The following TRPM4 variants were observed in gnomAD, a reference collection of about 807,000 sequenced individuals.
The protein encoded by TRPM4 is transient receptor potential cation channel subfamily M member 4, also known as calcium-activated non-selective cation channel 1.
A neutral mutation model predicts 135.6 loss-of-function variants in TRPM4; 124 were observed. The ratio of observed to expected loss-of-function variants is 0.91; its 90% CI spans 0.79 to 1.06. The LOEUF is 1.06. Among genes scored for constraint, TRPM4 ranks in the 50% least tolerant of loss-of-function variants. TRPM4 has a pLI of 0.00. For synonymous variants in TRPM4, 745 were observed against 705.6 expected (o/e 1.06, Z -0.88); for missense variants, 1,658 against 1,671.4 (o/e 0.99, Z 0.14).
chr19:49,210,683 G>T lies in TRPM4; in HGVS notation c.3329-27G>T. The stretch of plus-strand genomic sequence containing the variant: ...GGGATTGGGAAGGGGCGTGGCCTGA[G>T]CCCTTTGACTCCGCCCGCCCCTGCA... On this transcript the variant is annotated intron_variant, in intron 21 of 24. Transcript: ENST00000252826. This position sits in a 1 kb window ranked among gnomAD's most constrained non-coding sequence, Gnocchi z 4.1. 6.2e-7 allele frequency: 1 copy of T among 1,613,818 alleles called. No individual in the cohort carries two copies. The highest frequency in any genetic ancestry group is 8.5e-7 in the Non-Finnish European group (1 of 1,179,998).
chr19:49,162,801 G>A (rs905989625), intron 2 of TRPM4, among the ~76,000 whole-genome samples: 30 of 151,762 alleles, frequency 2.0e-4, no homozygotes, highest in African/African-American at 6.1e-4. Context: ...TCGCTCTGTC[G>A]CCCAGGCTGG....
chr19:49,194,675 T>C (rs12976024), intron 16 of TRPM4, among the ~76,000 whole-genome samples: 1,480 of 42,122 alleles, frequency 0.035, 42 homozygotes, highest in African/African-American at 0.14. Context: ...CTCCCTCCCT[T>C]CCTTCCTTCT....
At chr19:49,195,683 A>ATTT (rs1293818542) in intron 16 of TRPM4, among the ~76,000 whole-genome samples, 9,048 of 127,026 alleles carry the variant, frequency 0.071, 397 homozygotes, top group East Asian at 0.17. Flanking sequence ...TTCTACTTTA[A>ATTT]TTTTTTTTTT....
intron 12 of TRPM4, among the ~76,000 whole-genome samples, chr19:49,187,976 A>G (rs1398181819): frequency 1.3e-5 from 2 of 152,146 alleles, no homozygotes; most frequent in African/African-American, 4.8e-5. Flanking sequence ...TCAAGCACTC[A>G]TCTTAGGTGT....
At position 49,173,858 on chromosome 19, in the gene TRPM4, C is replaced by T. The variant is rs144331838; in HGVS notation, c.1150+1750C>T. Reference sequence around the variant, plus strand: ...AAAAAAAATTTTTTTTTTGTACAGACGAGGTCTTGCTCTGTTGCCCATGCT... The same window carrying T: ...AAAAAAAATTTTTTTTTTGTACAGATGAGGTCTTGCTCTGTTGCCCATGCT... On this transcript the variant is annotated intron_variant, in intron 9 of 24. Coordinates refer to ENST00000252826, the MANE Select transcript of TRPM4 (RefSeq NM_017636.4). 1.1e-4 allele frequency among the ~76,000 whole-genome samples: 16 copies of T among 152,064 alleles called. No individual in the cohort carries two copies. In the East Asian group the frequency reaches 1.4e-3, roughly 13 times the overall value.
chr19:49,174,757 A>C (rs1454054693), intron 9 of TRPM4, among the ~76,000 whole-genome samples: 4 of 151,542 alleles, frequency 2.6e-5, no homozygotes, highest in African/African-American at 9.7e-5. Flanking sequence ...AAAAAAAAAA[A>C]AAAACCTAAA....
intron 3 of TRPM4, among the ~76,000 whole-genome samples, chr19:49,166,820 G>C (rs894297300): frequency 7.7e-6 from 1 of 129,864 alleles, no homozygotes; most frequent in East Asian, 2.5e-4. Context: ...CTGTGTCTCT[G>C]TCCCCGTCTC....
intron 20 of TRPM4, among the ~76,000 whole-genome samples, chr19:49,207,489 G>A (rs2145988599): frequency 6.6e-6 from 1 of 151,860 alleles, no homozygotes; most frequent in Non-Finnish European, 1.5e-5. Flanking sequence ...AATTTGCCAG[G>A]CGTGGTGGTG....
chr19:49,182,210 A>T lies in TRPM4; in HGVS notation c.1264-368A>T, dbSNP rs111169069. Among the ~76,000 whole-genome samples the T allele has an allele frequency of 4.6e-3, 679 of 146,776 alleles. 17 individuals are homozygous for T. The highest frequency in any genetic ancestry group is 0.017 in the African/African-American group (650 of 37,978). On this transcript the variant is annotated intron_variant, in intron 10 of 24. Transcript: ENST00000252826. ...CATCCATACATCCATCCATCTACCT[A>T]TCCATTCATCCATCCATCCATCCAT... is the stretch of plus-strand genomic sequence containing the variant.
chr19:49,209,064 T>G (rs565747660), intron 20 of TRPM4, among the ~76,000 whole-genome samples: 30 of 152,284 alleles, frequency 2.0e-4, no homozygotes, highest in Non-Finnish European at 3.4e-4. Context: ...TCTATTAATT[T>G]GGTGTTTGCA....
In TRPM4 at chr19:49,166,064, G is replaced by A. The variant is rs1202949892; in HGVS notation, c.116G>A (p.Arg39His). The change falls in exon 3 of 25, where the codon CGC becomes CAC. Residue 39 changes from arginine to histidine, a missense_variant. By Grantham distance (29) the Arg-to-His change is conservative (BLOSUM62 0). This residue lies in a region of TRPM4 where 239 missense variants were observed against 240.1 expected (regional missense o/e 1.00). Coordinates refer to ENST00000252826, the MANE Select transcript of TRPM4 (RefSeq NM_017636.4). ...AGAGGGACCTTGTGCCAGTGTGGGC[G>A]CCCCCGGACCGCCCACCCCGCAGTG... ...DPGGTLCQCG[R>H]PRTAHPAVAM... 3.8e-6 allele frequency: 6 copies of A among 1,599,008 alleles called. No homozygotes were observed. In the Admixed American group the frequency reaches 5.2e-5, roughly 14 times the overall value.
chr19:49,171,193 T>C lies in TRPM4; in HGVS notation c.797-164T>C, dbSNP rs904897087. Among the ~76,000 whole-genome samples the C allele has an allele frequency of 6.6e-6, 1 of 152,160 alleles. No individual in the cohort carries two copies. The highest frequency in any genetic ancestry group is 2.4e-5 in the African/African-American group (1 of 41,438). ...CATAGCAAGACCCCCATTTCTAAAA[T>C]AAATACATAATTAAGTAAAAAAAGA... On this transcript the variant is annotated intron_variant, in intron 6 of 24. Transcript: ENST00000252826. The surrounding 1 kb of genome is among the most constrained non-coding windows in gnomAD (Gnocchi z 4.7).
chr19:49,193,327 C>T (rs1004630205), intron 16 of TRPM4, among the ~76,000 whole-genome samples: 7 of 152,150 alleles, frequency 4.6e-5, no homozygotes, highest in African/African-American at 7.2e-5. Flanking sequence ...GTGATCTGCC[C>T]GCCTCGGCCT....
At chr19:49,158,469 G>T (rs1382714705) in intron 2 of TRPM4, 1 of 600,264 alleles carries the variant, frequency 1.7e-6, no homozygotes, top group African/African-American at 1.8e-5. Context: ...CTCAGGGTCA[G>T]TGTAGACGCT....
chr19:49,190,820 G>A, intron 16 of TRPM4, 47 bp downstream of exon 16: 2 of 1,568,598 alleles, frequency 1.3e-6, no homozygotes, highest in South Asian at 1.1e-5. Flanking sequence ...ACCCTGGGCA[G>A]TTCAGGACAT....
chr19:49,171,513 C>T lies in TRPM4; in HGVS notation c.859-65C>T. 1 of 1,611,894 alleles carries T rather than the reference C, an allele frequency of 6.2e-7. No individual in the cohort carries two copies. The highest frequency in any genetic ancestry group is 8.5e-7 in the Non-Finnish European group (1 of 1,178,188). Reference sequence around the variant, plus strand: ...TCTTAGGGAGGGTCTGGGGGTCTGACTCCGGGTAGGGTGAATATCCTGCCT... The same window carrying T: ...TCTTAGGGAGGGTCTGGGGGTCTGATTCCGGGTAGGGTGAATATCCTGCCT... On this transcript the variant is annotated intron_variant, in intron 7 of 24. Transcript: ENST00000252826. The surrounding 1 kb of genome is among the most constrained non-coding windows in gnomAD (Gnocchi z 4.7).
In TRPM4 at chr19:49,168,663, C is replaced by T. The variant is rs1298019869; in HGVS notation, c.723C>T (p.Gly241=). Residue 241 remains glycine (G), a synonymous_variant, in exon 6 of 25, where the codon GGC becomes GGT. Transcript: ENST00000252826. The stretch of plus-strand genomic sequence containing the variant: ...TCCTGGTGGACGACGGCACACACGG[C>T]TGCCTGGGGGGCGAGAACCGCTTCC... The part of the protein sequence containing the change: ...AFFLVDDGTH[G]CLGGENRFRL... 6.2e-7 allele frequency: 1 copy of T among 1,613,154 alleles called. No individual in the cohort carries two copies.
intron 9 of TRPM4, among the ~76,000 whole-genome samples, chr19:49,175,955 T>G (rs1476713319): frequency 3.5e-5 from 4 of 113,152 alleles, no homozygotes; most frequent in Non-Finnish European, 7.3e-5. Flanking sequence ...AAAGAGTCTT[T>G]GTCTGTCGCC....
In TRPM4 at chr19:49,157,931, G is replaced by T. The variant is rs979327841; in HGVS notation, c.24+41G>T. ...GGGTCTGCGGGAGCGCGGAGCTGGG[G>T]ACCTCGCCTCCAGGCTCCCAGAGAG... On this transcript the variant is annotated intron_variant, in intron 1 of 24. Transcript: ENST00000252826. The T allele has an allele frequency of 1.1e-5, 17 of 1,532,056 alleles. No individual in the cohort carries two copies. The South Asian group carries it at 1.5e-4, about 14-fold the overall frequency. The allele number at this position is 1,532,056 out of a possible 1,614,324, so 94.9% of individuals were successfully genotyped here.
Sources: allele counts gnomAD v4.1 joint callset (sites outside exome capture counted in the v4.1 genomes callset), GRCh38; gene constraint gnomAD v4.1.1; regional missense constraint gnomAD v4.1.1; non-coding constraint Gnocchi (gnomAD v3.1); transcripts MANE v1.5; gene names NCBI Gene and HGNC (gene_info 2026-07-23, HGNC 2026-07-21).